ROBO2: variants seen among roughly 807,000 people sequenced by gnomAD.
The protein encoded by ROBO2 is roundabout guidance receptor 2.
A neutral mutation model predicts 160.8 loss-of-function variants in ROBO2; 53 were observed. The observed-to-expected ratio is 0.33, with a 90% confidence interval of 0.26 to 0.41. ROBO2 has a LOEUF of 0.41. Among genes scored for constraint, ROBO2 ranks in the 10% least tolerant of loss-of-function variants. The pLI, the probability that ROBO2 is intolerant of heterozygous loss-of-function variation, is 1.00. For missense variants in ROBO2, 1,577 were observed against 1,722.4 expected, an observed-to-expected ratio of 0.92 and a Z score of 1.49; for synonymous variants, 664 against 611.7, an observed-to-expected ratio of 1.09 and a Z score of -1.26.
At chr3:77,594,265 T>G (rs181275929) in intron 17 of ROBO2, among the ~76,000 whole-genome samples, 1 of 152,344 alleles carries the variant, frequency 6.6e-6, no homozygotes, top group Admixed American at 6.5e-5. Context: ...CAAAGTATAT[T>G]ACTTTTCTCA....
chr3:76,529,028 G>C (rs913996769), intron 2 of ROBO2, among the ~76,000 whole-genome samples: 1 of 152,148 alleles, frequency 6.6e-6, no homozygotes, highest in Admixed American at 6.6e-5. Context: ...AGTTTTTATA[G>C]AGTGTGGTGG....
chr3:76,021,200 G>C (rs2066565164), intron 2 of ROBO2, among the ~76,000 whole-genome samples: 1 of 151,726 alleles, frequency 6.6e-6, no homozygotes, highest in African/African-American at 2.4e-5. Flanking sequence ...CCAAAATATT[G>C]CCTAGATTGG....
chr3:76,597,472 G>C (rs1362249678), intron 2 of ROBO2, among the ~76,000 whole-genome samples: 1 of 151,878 alleles, frequency 6.6e-6, no homozygotes, highest in Non-Finnish European at 1.5e-5. Flanking sequence ...TCATGGAAGA[G>C]GATACATAAA....
chr3:76,916,836 C>T (rs190004342), intron 2 of ROBO2, among the ~76,000 whole-genome samples: 262 of 151,880 alleles, frequency 1.7e-3, no homozygotes, highest in African/African-American at 6.1e-3. Context: ...ACCTAGCCTC[C>T]CTCATTGTTA....
chr3:77,082,927 A>G (rs1183258128), intron 1 of ROBO2, among the ~76,000 whole-genome samples: 1 of 151,770 alleles, frequency 6.6e-6, no homozygotes, highest in Non-Finnish European at 1.5e-5. Context: ...CACCAAATGG[A>G]AAAAAAATCA....
At position 75,978,087 on chromosome 3, in the gene ROBO2, A is replaced by C. The variant is rs1364211867; in HGVS notation, c.109+40485A>C. 3.3e-5 allele frequency among the ~76,000 whole-genome samples: 5 copies of C among 151,708 alleles called. No homozygotes were observed. The South Asian group carries it at 1.0e-3, about 31-fold the overall frequency. On this transcript the variant is annotated intron_variant, in intron 2 of 26. Transcript: ENST00000487694. Reference sequence around the variant, plus strand: ...AACAGTTTGTAAAGCTGTATCTGAAAAAATCAGCGATAGTAGTTTTCAGTA... The same window carrying C: ...AACAGTTTGTAAAGCTGTATCTGAACAAATCAGCGATAGTAGTTTTCAGTA...
rs1037363021 is a variant in ROBO2, at chr3:77,462,953, A to T, written c.389-14461A>T. 2.0e-5 allele frequency among the ~76,000 whole-genome samples: 3 copies of T among 152,202 alleles called. No homozygotes were observed. In the South Asian group the frequency reaches 6.2e-4, roughly 32 times the overall value. Reference sequence around the variant, plus strand: ...CAAAAAGCCTTCCTTATGAAAACAAAGTTTCCTCCATTTTACCTTACGGCA... The same window carrying T: ...CAAAAAGCCTTCCTTATGAAAACAATGTTTCCTCCATTTTACCTTACGGCA... On this transcript the variant is annotated intron_variant, in intron 2 of 25. Transcript: ENST00000461745.
In ROBO2 at chr3:77,294,397, A is replaced by G. The variant is rs577703125; in HGVS notation, c.389-183017A>G. ...AAGCTGAGGCTAGGTCACCAAAGAC[A>G]TAAAGTAAAATTAATGGTAAAACGG... On this transcript the variant is annotated intron_variant, in intron 2 of 25. Coordinates refer to ENST00000461745, the Ensembl canonical transcript of ROBO2. Among the ~76,000 whole-genome samples the G allele has an allele frequency of 7.8e-5, 11 of 141,366 alleles. 1 individual carries two copies. The East Asian group carries it at 1.4e-3, about 18-fold the overall frequency. The allele number at this position is 141,366 out of a possible 152,430, so 92.7% of individuals were successfully genotyped here.
In ROBO2 at chr3:76,736,144, G is replaced by A. The variant is rs145935537; in HGVS notation, c.110-361870G>A. Among the ~76,000 whole-genome samples the A allele has an allele frequency of 2.7e-3, 414 of 151,622 alleles. 17 individuals carry two copies. In the East Asian group the frequency reaches 0.068, roughly 25 times the overall value. ...TAAAAATACAAAAAATTATCCGGGCGTGGTGGTGGCGCCTGCAGTCCCAGC... is the reference window on the plus strand; with the variant it reads ...TAAAAATACAAAAAATTATCCGGGCATGGTGGTGGCGCCTGCAGTCCCAGC... On this transcript the variant is annotated intron_variant, in intron 2 of 26. Coordinates refer to the ROBO2 transcript ENST00000487694.
intron 2 of ROBO2, among the ~76,000 whole-genome samples, chr3:77,305,895 T>C (rs1431248933): frequency 2.0e-5 from 3 of 152,208 alleles, no homozygotes; most frequent in South Asian, 4.1e-4. Flanking sequence ...GATTAATATG[T>C]ATGTCTGTCT....
At chr3:77,574,824 T>G (rs1300873008) in intron 14 of ROBO2, 94 bp downstream of exon 15, 2 of 917,458 alleles carry the variant, frequency 2.2e-6, no homozygotes, top group Admixed American at 4.0e-5. Flanking sequence ...AATGGAAAGA[T>G]ATCACCTAAA....
chr3:76,446,844 A>T (rs1018605028), intron 2 of ROBO2, among the ~76,000 whole-genome samples: 1 of 152,184 alleles, frequency 6.6e-6, no homozygotes, highest in Admixed American at 6.5e-5. Context: ...CCATATGTAG[A>T]AAGTTGAAAC....
intron 2 of ROBO2, among the ~76,000 whole-genome samples, chr3:77,108,721 A>G (rs1325286671): frequency 1.3e-5 from 2 of 152,122 alleles, no homozygotes; most frequent in Non-Finnish European, 2.9e-5. Flanking sequence ...ATGGACTTAG[A>G]AAACTGGAAA....
rs757350469 is a variant in ROBO2 at position 77,617,650 on chromosome 3, C to A, written c.3431C>A (p.Ser1144Tyr). The change falls in exon 22 of 26, where the codon TCC (serine) becomes TAC (tyrosine). Residue 1144 changes from serine (S) to tyrosine (Y), a missense_variant. This residue lies in a region of ROBO2 where 637 missense variants were observed against 586.9 expected (regional missense o/e 1.09). Coordinates refer to ENST00000461745, the Ensembl canonical transcript of ROBO2. ...GGCGTGGCTTCTTCTCCTGCTATCT[C>A]CTTTGGACAGCAGTCCACTGCAACT... is the stretch of plus-strand genomic sequence containing the variant. 6 of 1,614,120 alleles carry A rather than the reference C, an allele frequency of 3.7e-6. No individual in the cohort carries two copies. In the East Asian group the frequency reaches 1.3e-4, roughly 36 times the overall value.
intron 2 of ROBO2, among the ~76,000 whole-genome samples, chr3:77,309,707 T>A (rs896958294): frequency 6.6e-5 from 10 of 152,222 alleles, no homozygotes; most frequent in African/African-American, 1.9e-4. Flanking sequence ...CAAAACATCA[T>A]CCTTCTCTTC....
chr3:76,963,855 AAAAG>A (rs966443796), intron 2 of ROBO2, among the ~76,000 whole-genome samples: 5 of 151,228 alleles, frequency 3.3e-5, no homozygotes, highest in African/African-American at 1.2e-4. Flanking sequence ...AAAAAGAAAA[AAAAG>A]AAAAAAGAAA....
At chr3:76,102,928 C>T (rs1001008630) in intron 2 of ROBO2, among the ~76,000 whole-genome samples, 24 of 151,876 alleles carry the variant, frequency 1.6e-4, no homozygotes, top group Admixed American at 3.3e-4. Context: ...GGGTTCACGC[C>T]GTTCTCCTGC....
intron 7 of ROBO2, among the ~76,000 whole-genome samples, chr3:77,550,046 T>C (rs1242378841): frequency 6.6e-6 from 1 of 151,998 alleles, no homozygotes; most frequent in African/African-American, 2.4e-5. Flanking sequence ...TCCAAATTAA[T>C]GTTACTCCTC....
chr3:77,473,242 C>T (rs1407098677), intron 2 of ROBO2, among the ~76,000 whole-genome samples: 2 of 151,636 alleles, frequency 1.3e-5, no homozygotes, highest in African/African-American at 4.9e-5. Flanking sequence ...TGTACCTGGT[C>T]GGCACGATGT....
Sources: gnomAD v4.1 joint callset for allele counts (sites outside exome capture counted in the v4.1 genomes callset) on GRCh38, gnomAD v4.1.1 for gene constraint, gnomAD v4.1.1 regional missense constraint, MANE v1.5 for transcripts, NCBI Gene and HGNC (gene_info 2026-07-23, HGNC 2026-07-21) for gene names.